The following CSMD1 variants were observed in gnomAD, a reference collection of about 807,000 sequenced individuals.
The protein encoded by CSMD1 is CUB and Sushi multiple domains 1, also known as CUB and sushi domain-containing protein 1.
A neutral mutation model predicts 417.5 loss-of-function variants in CSMD1; 213 were observed. The ratio of observed to expected loss-of-function variants is 0.51; its 90% CI spans 0.46 to 0.57. The LOEUF is 0.57. Among genes scored for constraint, CSMD1 ranks in the 20% least tolerant of loss-of-function variants. CSMD1 has a pLI of 0.00. For synonymous variants in CSMD1, 2,862 were observed against 1,736.8 expected (o/e 1.65, Z -16.11); for missense variants, 6,923 against 4,529.7 (o/e 1.53, Z -15.17).
intron 3 of CSMD1, among the ~76,000 whole-genome samples, chr8:4,105,472 A>G (rs984738019): frequency 6.6e-6 from 1 of 152,238 alleles, no homozygotes; most frequent in Non-Finnish European, 1.5e-5. Flanking sequence ...AAATAATTAT[A>G]TACTGAGGAA....
rs539736788 is a variant in CSMD1 at position 4,820,387 on chromosome 8, A to C, written c.85+173945T>G. On this transcript the variant is annotated intron_variant, in intron 1 of 69. Transcript: ENST00000635120. ...CACTTCTATGATTTTTAAGCATTTT[A>C]ATAGAGCTTGCTTGGCAATTAAAAT... Among the ~76,000 whole-genome samples, 8 of 152,314 alleles carry C rather than the reference A, an allele frequency of 5.3e-5. No homozygotes were observed. The East Asian group carries it at 1.5e-3, about 29-fold the overall frequency.
intron 3 of CSMD1, among the ~76,000 whole-genome samples, chr8:4,034,351 T>C (rs965738301): frequency 3.9e-5 from 6 of 152,230 alleles, no homozygotes; most frequent in African/African-American, 1.4e-4. Context: ...GTTCTAGTTT[T>C]TAAGAAGTAA....
intron 3 of CSMD1, among the ~76,000 whole-genome samples, chr8:4,313,691 G>A (rs747979919): frequency 2.0e-5 from 3 of 152,000 alleles, no homozygotes; most frequent in Non-Finnish European, 2.9e-5. Flanking sequence ...GAAAGTTTCA[G>A]ACATTTACTC....
At chr8:3,726,777 T>C (rs775480138) in intron 6 of CSMD1, among the ~76,000 whole-genome samples, 1 of 152,326 alleles carries the variant, frequency 6.6e-6, no homozygotes, top group East Asian at 1.9e-4. Flanking sequence ...ATTCTTAGCA[T>C]GCCCTCTGAT....
chr8:4,029,168 A>G (rs997300270), intron 4 of CSMD1, among the ~76,000 whole-genome samples: 3 of 152,220 alleles, frequency 2.0e-5, no homozygotes, highest in Non-Finnish European at 2.9e-5. Flanking sequence ...GGACATAAAC[A>G]TTGGCATCAA....
At chr8:3,677,701 C>T (rs1050130894) in intron 7 of CSMD1, among the ~76,000 whole-genome samples, 4 of 152,156 alleles carry the variant, frequency 2.6e-5, no homozygotes, top group African/African-American at 7.2e-5. Flanking sequence ...GGTAAATTCC[C>T]CTGTTTTGTT....
chr8:4,805,844 T>C (rs1464473479), intron 1 of CSMD1, among the ~76,000 whole-genome samples: 1 of 152,100 alleles, frequency 6.6e-6, no homozygotes, highest in Admixed American at 6.5e-5. Flanking sequence ...GGAAGCTCAT[T>C]GTGGGATGCA....
intron 10 of CSMD1, among the ~76,000 whole-genome samples, chr8:3,501,497 C>G (rs1251541133): frequency 1.3e-5 from 2 of 152,158 alleles, no homozygotes; most frequent in East Asian, 3.9e-4. Flanking sequence ...AAATCAGTAC[C>G]AAGACCCTAC....
chr8:3,801,619 G>C (rs921132064), intron 5 of CSMD1, among the ~76,000 whole-genome samples: 1 of 142,794 alleles, frequency 7.0e-6, no homozygotes, highest in Non-Finnish European at 1.6e-5. Flanking sequence ...TCCACTCCTA[G>C]TTTTTCTACC....
At chr8:4,419,860 A>T in intron 3 of CSMD1, 93 bp downstream of exon 3, 1 of 879,854 alleles carries the variant, frequency 1.1e-6, no homozygotes, top group East Asian at 2.8e-5. Flanking sequence ...GACCTGCGAC[A>T]TAGCAGCCTA....
intron 26 of CSMD1, among the ~76,000 whole-genome samples, chr8:3,253,258 C>T (rs1440100003): frequency 1.3e-5 from 2 of 152,084 alleles, no homozygotes; most frequent in Non-Finnish European, 2.9e-5. Context: ...CAAAGAACAT[C>T]TTTATTTCTG....
At chr8:3,300,916 G>A (rs540745758) in intron 25 of CSMD1, among the ~76,000 whole-genome samples, 26 of 123,306 alleles carry the variant, frequency 2.1e-4, no homozygotes, top group East Asian at 2.6e-4. Context: ...CCAGGATTGC[G>A]CCACCGCACT....
intron 3 of CSMD1, among the ~76,000 whole-genome samples, chr8:4,116,284 G>T (rs559031539): frequency 2.6e-5 from 4 of 152,106 alleles, no homozygotes; most frequent in South Asian, 4.1e-4. Context: ...GTGAGCCACC[G>T]CACCCAACAT....
intron 5 of CSMD1, among the ~76,000 whole-genome samples, chr8:3,891,969 G>C (rs1807001302): frequency 6.6e-6 from 1 of 152,062 alleles, no homozygotes; most frequent in Non-Finnish European, 1.5e-5. Context: ...CAAAAGCACA[G>C]CATCGGCTAC....
chr8:4,268,934 C>T (rs962514264), intron 3 of CSMD1, among the ~76,000 whole-genome samples: 2 of 152,186 alleles, frequency 1.3e-5, no homozygotes, highest in Non-Finnish European at 2.9e-5. Flanking sequence ...TGGAGAATTA[C>T]AATTACTTTC....
chr8:4,677,688 T>G (rs1805781627), intron 1 of CSMD1, among the ~76,000 whole-genome samples: 1 of 152,200 alleles, frequency 6.6e-6, no homozygotes, highest in Non-Finnish European at 1.5e-5. Flanking sequence ...GAGTTCTACT[T>G]TGACTCACCG....
chr8:3,787,589 T>A (rs1041360461), intron 5 of CSMD1, among the ~76,000 whole-genome samples: 4 of 152,188 alleles, frequency 2.6e-5, no homozygotes, highest in African/African-American at 7.2e-5. Flanking sequence ...TAATTAAAGA[T>A]GTAGTTGCTA....
intron 57 of CSMD1, 113 bp from the exon 58 acceptor site, chr8:2,966,859 C>A: frequency 1.1e-6 from 1 of 899,258 alleles, no homozygotes; most frequent in Non-Finnish European, 1.7e-6. Flanking sequence ...ATTACAAACC[C>A]AAAGCACACA....
chr8:4,809,806 T>C (rs995462400), intron 1 of CSMD1, among the ~76,000 whole-genome samples: 1 of 152,184 alleles, frequency 6.6e-6, no homozygotes, highest in Non-Finnish European at 1.5e-5. Flanking sequence ...TATTTTATGC[T>C]TCTAGTACAT....
Sources: allele counts gnomAD v4.1 joint callset (sites outside exome capture counted in the v4.1 genomes callset), GRCh38; gene constraint gnomAD v4.1.1; transcripts MANE v1.5; gene names NCBI Gene and HGNC (gene_info 2026-07-23, HGNC 2026-07-21).